Variants in SPINT1 observed in about 807,000 individuals in gnomAD.
SPINT1 encodes the protein serine peptidase inhibitor, Kunitz type 1.
Under a neutral mutation model 53.7 loss-of-function variants are expected in SPINT1, and 38 were observed. The observed-to-expected ratio is 0.71, with a 90% CI of 0.55 to 0.93. The LOEUF is 0.93. Ranked by LOEUF, SPINT1 falls within the 40% of genes least tolerant of loss-of-function variation. SPINT1 has a pLI of 0.00. For missense variants in SPINT1, 645 were observed against 692.9 expected (o/e 0.93, Z 0.78); for synonymous variants, 283 against 280.6 (o/e 1.01, Z -0.08).
Position 40,857,130 on chromosome 15 carries a change from C to A in SPINT1, c.*155C>A. ...CCAGCCCCTCTTGGAGAAGTCTCAG[C>A]TAAGCTCACGTCCTGAGAAAGCTCA... On this transcript the variant is annotated 3_prime_UTR_variant, in exon 11 of 11. Coordinates refer to ENST00000562057, the MANE Select transcript of SPINT1 (RefSeq NM_003710.4). 2.0e-6 allele frequency: 2 copies of A among 1,006,886 alleles called. No individual in the cohort carries two copies. Among genetic ancestry groups the A allele is most frequent in the Non-Finnish European group, 2.8e-6 (2 of 705,100 alleles). The allele number at this position is 1,006,886 out of a possible 1,614,324, so 62.4% of individuals were successfully genotyped here. A position where few individuals can be genotyped will look rare whatever the true frequency, so the allele number is the denominator to read the frequency against.
Position 40,852,627 on chromosome 15 carries a change from CTGTGTGTGTGTGTGTG to C in SPINT1, c.476-477_476-462del, listed in dbSNP as rs3033553. Among the ~76,000 whole-genome samples, 6 of 143,498 alleles carry C rather than the reference CTGTGTGTGTGTGTGTG, an allele frequency of 4.2e-5. No individual in the cohort carries two copies. In the South Asian group the frequency reaches 1.4e-3, roughly 32 times the overall value. 94.1% of individuals were successfully genotyped at this position (143,498 alleles called of 152,430 possible). On this transcript the variant is annotated intron_variant, in intron 2 of 10. Coordinates refer to ENST00000562057, the MANE Select transcript of SPINT1 (RefSeq NM_003710.4). ...TAAGCCTATCCCCTCAAGTAAGTGT[CTGTGTGTGTGTGTGTG>C]TGTGTGTGTGTGTGTGTGTTTACTC... is the stretch of plus-strand genomic sequence containing the variant.
chr15:40,849,350 G>A (rs934798729), intron 2 of SPINT1, among the ~76,000 whole-genome samples: 5 of 152,088 alleles, frequency 3.3e-5, no homozygotes, highest in African/African-American at 7.2e-5. Flanking sequence ...AGGCTCAAGC[G>A]ATCCTCCCAA....
At chr15:40,847,417 T>C (rs531960369) in intron 2 of SPINT1, among the ~76,000 whole-genome samples, 5 of 152,316 alleles carry the variant, frequency 3.3e-5, no homozygotes, top group Admixed American at 3.3e-4. Context: ...TCCTATTGCA[T>C]AGATAAATGC....
In SPINT1 at chr15:40,853,790, C is replaced by T; in HGVS notation, c.822C>T (p.Ile274=). ...PRWYYDPTEQ[I]CKSFVYGGCL... Reference sequence around the variant, plus strand: ...GGTACTATGACCCCACGGAGCAGATCTGCAAGAGTTTCGTTTATGGAGGCT... The same window carrying T: ...GGTACTATGACCCCACGGAGCAGATTTGCAAGAGTTTCGTTTATGGAGGCT... Residue 274 remains isoleucine, a synonymous_variant, in exon 5 of 11, where the codon ATC becomes ATT. Transcript: ENST00000562057. 6.2e-7 allele frequency: 1 copy of T among 1,614,250 alleles called. No individual in the cohort carries two copies. The highest frequency in any genetic ancestry group is 8.5e-7 in the Non-Finnish European group (1 of 1,180,044).
At chr15:40,856,402 C>T in intron 10 of SPINT1, 79 bp downstream of exon 10, 2 of 1,570,800 alleles carry the variant, frequency 1.3e-6, no homozygotes, top group Non-Finnish European at 1.8e-6. Context: ...TTGTGACAGC[C>T]TAACCTGTGT....
intron 2 of SPINT1, among the ~76,000 whole-genome samples, chr15:40,847,846 G>T (rs1018312565): frequency 1.1e-4 from 16 of 152,118 alleles, no homozygotes; most frequent in Non-Finnish European, 1.5e-5. Flanking sequence ...GGTGGGGCTA[G>T]CCTGTCTGTC....
intron 2 of SPINT1, among the ~76,000 whole-genome samples, chr15:40,846,226 A>G (rs1408953473): frequency 6.6e-6 from 1 of 152,092 alleles, no homozygotes; most frequent in Non-Finnish European, 1.5e-5. Context: ...TCTTCCCCGG[A>G]CTGAACTGTC....
chr15:40,854,591 C>T, intron 7 of SPINT1, 48 bp from the exon 8 acceptor site: 2 of 1,614,180 alleles, frequency 1.2e-6, no homozygotes, highest in Middle Eastern at 3.3e-4. Context: ...CCCTGAACCC[C>T]TGGGAGACCC....
intron 2 of SPINT1, among the ~76,000 whole-genome samples, chr15:40,849,379 C>T (rs1395831453): frequency 3.9e-5 from 6 of 152,170 alleles, no homozygotes; most frequent in African/African-American, 1.4e-4. Context: ...TCATGAATAG[C>T]TAAGTAGCCA....
At chr15:40,848,382 C>T (rs1891355524) in intron 2 of SPINT1, among the ~76,000 whole-genome samples, 1 of 152,220 alleles carries the variant, frequency 6.6e-6, no homozygotes, top group African/African-American at 2.4e-5. Flanking sequence ...TAAATGCACA[C>T]AGCCCTGGAC....
rs148102042 is a variant in SPINT1, at chr15:40,854,503, C to T, written c.1047C>T (p.Asp349=). The change falls in exon 7 of 11, where the codon GAC becomes GAT. Residue 349 remains aspartate, a synonymous_variant. Coordinates refer to ENST00000562057, the MANE Select transcript of SPINT1 (RefSeq NM_003710.4). ...DDTPNCPDAS[D]EAACEKYTSG... ...CCCCCAACTGCCCCGACGCCTCCGA[C>T]GAGGCTGCCTGTGAAAAATGTGAGG... The T allele has an allele frequency of 2.3e-5, 37 of 1,613,326 alleles. No individual in the cohort carries two copies. The highest frequency in any genetic ancestry group is 4.0e-5 in the African/African-American group (3 of 74,918).
At chr15:40,849,048 C>T (rs1891378769) in intron 2 of SPINT1, among the ~76,000 whole-genome samples, 1 of 151,716 alleles carries the variant, frequency 6.6e-6, no homozygotes, top group African/African-American at 2.4e-5. Context: ...AGATTGAGAC[C>T]ATCCTGGCTA....
chr15:40,848,974 C>T (rs7173709), intron 2 of SPINT1, among the ~76,000 whole-genome samples: 1,953 of 149,300 alleles, frequency 0.013, 53 homozygotes, highest in African/African-American at 0.046. Flanking sequence ...GGGCCGGGCG[C>T]GGTGGGTCAC....
Position 40,858,128 on chromosome 15 carries a change from G to A in SPINT1, c.*1153G>A, listed in dbSNP as rs1428531753. The A allele has an allele frequency of 1.3e-5, 2 of 149,728 alleles. No homozygotes were observed. Among genetic ancestry groups the A allele is most frequent in the South Asian group, 4.2e-4 (2 of 4,772 alleles). 9.3% of individuals were successfully genotyped at this position (149,728 alleles called of 1,614,324 possible). A position where few individuals can be genotyped will look rare whatever the true frequency, so the allele number is the denominator to read the frequency against. On this transcript the variant is annotated 3_prime_UTR_variant, in exon 11 of 11. Coordinates refer to ENST00000562057, the MANE Select transcript of SPINT1 (RefSeq NM_003710.4). ...TCCCAGGAGCCTTTAGTAGAGACAC[G>A]CCACTCCAACCCACACCCCTGCATT... is the stretch of plus-strand genomic sequence containing the variant.
intron 2 of SPINT1, among the ~76,000 whole-genome samples, chr15:40,848,497 T>C (rs2142005701): frequency 6.6e-6 from 1 of 152,312 alleles, no homozygotes; most frequent in Non-Finnish European, 1.5e-5. Context: ...AACGAAGAAT[T>C]GGAAACAATC....
intron 2 of SPINT1, 38 bp downstream of exon 2, chr15:40,845,067 T>A: frequency 1.3e-6 from 2 of 1,518,414 alleles, no homozygotes; most frequent in Non-Finnish European, 8.9e-7. Flanking sequence ...TTGGAGAGAC[T>A]CAAAAAAGGG....
intron 2 of SPINT1, among the ~76,000 whole-genome samples, chr15:40,847,376 CG>C (rs1891325673): frequency 6.6e-6 from 1 of 152,186 alleles, no homozygotes; most frequent in African/African-American, 2.4e-5. Flanking sequence ...ACGTGGGTCA[CG>C]GGCACTGAGA....
chr15:40,857,296 G>A lies in SPINT1; in HGVS notation c.*321G>A, dbSNP rs903322250. 2.5e-5 allele frequency: 9 copies of A among 358,938 alleles called. No individual in the cohort carries two copies. The highest frequency in any genetic ancestry group is 1.9e-4 in the African/African-American group (9 of 48,604). The allele number at this position is 358,938 out of a possible 1,614,324, so 22.2% of individuals were successfully genotyped here. On this transcript the variant is annotated 3_prime_UTR_variant, in exon 11 of 11. Coordinates refer to ENST00000562057, the MANE Select transcript of SPINT1 (RefSeq NM_003710.4). ...CCCTACCCCATGGTGCTAGGAAGAG[G>A]AGTGGGGTGGTGTCAGACCCTGGAG...
chr15:40,856,690 G>T, intron 10 of SPINT1, 80 bp from the exon 11 acceptor site: 1 of 1,589,948 alleles, frequency 6.3e-7, no homozygotes, highest in Non-Finnish European at 8.6e-7. Flanking sequence ...CATTTGACTT[G>T]GTCTCTTCCA....
Sources: allele counts gnomAD v4.1 joint callset (sites outside exome capture counted in the v4.1 genomes callset), GRCh38; gene constraint gnomAD v4.1.1; transcripts MANE v1.5; gene names NCBI Gene and HGNC (gene_info 2026-07-23, HGNC 2026-07-21).